RPGRIP1: variants seen among roughly 807,000 people sequenced by gnomAD.
The protein encoded by RPGRIP1 is X-linked retinitis pigmentosa GTPase regulator-interacting protein 1.
In RPGRIP1, 128 loss-of-function variants were observed where a neutral mutation model predicts 157.9. The ratio of observed to expected loss-of-function variants is 0.81; its 90% CI spans 0.70 to 0.94. RPGRIP1 has a LOEUF of 0.94. RPGRIP1 is among the 40% of genes least tolerant of loss of function. RPGRIP1 has a pLI of 0.00. For synonymous variants in RPGRIP1, 554 were observed against 571.6 expected (o/e 0.97, Z 0.44); for missense variants, 1,486 against 1,545.8 (o/e 0.96, Z 0.65).
chr14:21,332,775 GTTA>G (rs1883920506), intron 20 of RPGRIP1, among the ~76,000 whole-genome samples: 1 of 152,112 alleles, frequency 6.6e-6, no homozygotes, highest in South Asian at 2.1e-4. Flanking sequence ...CTAATTGTTA[GTTA>G]TTGTTTTAAT....
chr14:21,326,163 A>G lies in RPGRIP1; in HGVS notation c.2700A>G (p.Glu900=), dbSNP rs781608496. The change falls in exon 17 of 25, where the codon GAA becomes GAG. Residue 900 remains glutamate (E), a synonymous_variant. Transcript: ENST00000400017. The part of the protein sequence containing the change: ...RVPLLPLAKN[E]SIKGDFNLTD... The stretch of plus-strand genomic sequence containing the variant: ...CTTTACTGCCTCTTGCAAAAAATGA[A>G]TCTATCAAAGGTGGGAGTTCGAGGT... 5 of 1,568,774 alleles carry G rather than the reference A, an allele frequency of 3.2e-6. No homozygotes were observed. Among genetic ancestry groups the G allele is most frequent in the Admixed American group, 1.8e-5 (1 of 55,104 alleles).
At chr14:21,308,697 C>T (rs1881417999) in intron 7 of RPGRIP1, among the ~76,000 whole-genome samples, 3 of 152,124 alleles carry the variant, frequency 2.0e-5, no homozygotes, top group South Asian at 2.1e-4. Context: ...AGAAGAAAGA[C>T]GGAAGAAGCT....
intron 22 of RPGRIP1, among the ~76,000 whole-genome samples, chr14:21,343,521 C>T (rs536983254): frequency 2.0e-5 from 3 of 152,134 alleles, no homozygotes; most frequent in Non-Finnish European, 2.9e-5. Context: ...GGTGGAGTCT[C>T]GCTCTGTTGC....
intron 3 of RPGRIP1, among the ~76,000 whole-genome samples, chr14:21,299,110 G>C (rs1880919163): frequency 6.6e-6 from 1 of 151,512 alleles, no homozygotes; most frequent in Non-Finnish European, 1.5e-5. Flanking sequence ...CCGCCTCTCA[G>C]ATTCAAGCGA....
intron 23 of RPGRIP1, among the ~76,000 whole-genome samples, chr14:21,346,521 C>CT (rs1438829176): frequency 6.6e-6 from 1 of 152,054 alleles, no homozygotes; most frequent in Non-Finnish European, 1.5e-5. Flanking sequence ...CACTGCACTC[C>CT]AACCTGGGTG....
chr14:21,283,552 C>T (rs144092787), intron 1 of RPGRIP1, among the ~76,000 whole-genome samples: 31,081 of 152,122 alleles, frequency 0.2, 3,458 homozygotes, highest in Middle Eastern at 0.24. Context: ...CTGCCCGCCT[C>T]GGCCTCCCAA....
At chr14:21,321,230 C>A (rs532534314) in intron 12 of RPGRIP1, 29 bp from the exon 13 acceptor site, 29 of 1,601,186 alleles carry the variant, frequency 1.8e-5, no homozygotes, top group Non-Finnish European at 2.5e-5. Flanking sequence ...TATTTATACT[C>A]CCTTTTACCA....
intron 18 of RPGRIP1, 72 bp from the exon 19 acceptor site, chr14:21,328,352 C>G (rs1432538561): frequency 1.5e-5 from 17 of 1,133,100 alleles, no homozygotes; most frequent in Non-Finnish European, 2.2e-5. Flanking sequence ...CACTAGTTCC[C>G]AAATCCCTTT....
Position 21,327,648 on chromosome 14 carries a change from A to G in RPGRIP1, c.2736A>G (p.Ala912=), listed in dbSNP as rs778760607. ...GTGATTTTAACCTCACTGACCCTGCAGAGAAACCCAACGGATCTATTCAAG... is the reference window on the plus strand; with the variant it reads ...GTGATTTTAACCTCACTGACCCTGCGGAGAAACCCAACGGATCTATTCAAG... ...IKGDFNLTDP[A]EKPNGSIQVQ... Residue 912 remains alanine, a synonymous_variant, in exon 18 of 25, where the codon GCA becomes GCG. Transcript: ENST00000400017. 4 of 1,613,998 alleles carry G rather than the reference A, an allele frequency of 2.5e-6. No individual in the cohort carries two copies. The South Asian group carries it at 4.4e-5, about 18-fold the overall frequency.
chr14:21,315,973 G>GT (rs1329495163), intron 10 of RPGRIP1, among the ~76,000 whole-genome samples: 2 of 86,640 alleles, frequency 2.3e-5, no homozygotes, highest in African/African-American at 4.1e-5. Context: ...TAATTTTTGT[G>GT]GTTTTTTTTT....
rs28937883 is a variant in RPGRIP1 at position 21,325,943 on chromosome 14, G to A, written c.2480G>A (p.Arg827His). Residue 827 changes from arginine (R) to histidine (H), a missense_variant, in exon 17 of 25, where the codon CGC becomes CAC. By Grantham distance (29) the Arg-to-His change is conservative. Coordinates refer to ENST00000400017, the MANE Select transcript of RPGRIP1 (RefSeq NM_020366.4). ...GTQPSPYAVYRFFTFSDHDTA... is the reference protein window; with the variant it reads ...GTQPSPYAVYHFFTFSDHDTA... The stretch of plus-strand genomic sequence containing the variant: ...CAACCCAGTCCATATGCTGTGTACC[G>A]CTTCTTCACCTTTTCTGACCATGAC... 3.4e-5 allele frequency: 55 copies of A among 1,613,774 alleles called. No individual in the cohort carries two copies. Among genetic ancestry groups the A allele is most frequent in the Middle Eastern group, 1.6e-4 (1 of 6,084 alleles).
intron 23 of RPGRIP1, among the ~76,000 whole-genome samples, chr14:21,345,963 G>T (rs1885526611): frequency 6.6e-6 from 1 of 151,972 alleles, no homozygotes; most frequent in African/African-American, 2.4e-5. Flanking sequence ...GGGATGACAG[G>T]TGCACGCCAC....
intron 22 of RPGRIP1, among the ~76,000 whole-genome samples, chr14:21,344,311 G>A (rs115063445): frequency 0.014 from 2,046 of 151,484 alleles, 48 homozygotes; most frequent in African/African-American, 0.048. Context: ...AATTATTTTC[G>A]TGTCCTTCAA....
intron 3 of RPGRIP1, among the ~76,000 whole-genome samples, chr14:21,298,617 C>G (rs1255921002): frequency 3.3e-5 from 5 of 151,474 alleles, no homozygotes; most frequent in Non-Finnish European, 7.4e-5. Flanking sequence ...CTCATTGTAA[C>G]CCCCAGGAGT....
chr14:21,309,333 G>A (rs1331184388), intron 7 of RPGRIP1, among the ~76,000 whole-genome samples: 1 of 151,960 alleles, frequency 6.6e-6, no homozygotes, highest in Non-Finnish European at 1.5e-5. Flanking sequence ...ACAACATGGC[G>A]AAACCCCATC....
Position 21,287,946 on chromosome 14 carries a change from TG to T in RPGRIP1, c.-28del. 6.7e-7 allele frequency: 1 copy of T among 1,499,294 alleles called. No homozygotes were observed. The highest frequency in any genetic ancestry group is 9.3e-7 in the Non-Finnish European group (1 of 1,078,700). 92.9% of individuals were successfully genotyped at this position (1,499,294 alleles called of 1,614,324 possible). A position where few individuals can be genotyped will look rare whatever the true frequency, so the allele number is the denominator to read the frequency against. ...ACTTTTCCTTTATTTCAGTGTCCTC[TG>T]GGATCTCTTACAGCTTGGGAACAGA... On this transcript the variant is annotated 5_prime_UTR_variant, in exon 2 of 25. Transcript: ENST00000400017.
In RPGRIP1 at chr14:21,287,604, G is replaced by A. The variant is rs534446901; in HGVS notation, c.-38-335G>A. Among the ~76,000 whole-genome samples, 144 of 152,212 alleles carry A rather than the reference G, an allele frequency of 9.5e-4. 2 individuals carry two copies. In the Middle Eastern group the frequency reaches 0.014, roughly 14 times the overall value. On this transcript the variant is annotated intron_variant, in intron 1 of 24. Transcript: ENST00000400017. ...ACTGATTCCTGGGGAGTCAGTCCCT[G>A]TAAATTGAGTGGAGAGAGGGATAGA...
rs763920021 is a variant in RPGRIP1 at position 21,301,056 on chromosome 14, C to G, written c.309C>G (p.Arg103=). The change falls in exon 4 of 25, where the codon CGC becomes CGG. Residue 103 remains arginine, a synonymous_variant. Coordinates refer to ENST00000400017, the MANE Select transcript of RPGRIP1 (RefSeq NM_020366.4). ...CGCCGCTCTCGGAGACCGCAAGGCGCGGGCAGAAGGCGGGATGGCGGCAGC... is the reference window on the plus strand; with the variant it reads ...CGCCGCTCTCGGAGACCGCAAGGCGGGGGCAGAAGGCGGGATGGCGGCAGC... ...EAAPLSETAR[R]GQKAGWRQRL... The G allele has an allele frequency of 1.4e-5, 22 of 1,612,692 alleles. No individual in the cohort carries two copies. Among genetic ancestry groups the G allele is most frequent in the Non-Finnish European group, 1.9e-5 (22 of 1,179,462 alleles).
intron 8 of RPGRIP1, chr14:21,311,014 A>T: frequency 2.1e-6 from 1 of 477,818 alleles, no homozygotes; most frequent in East Asian, 5.9e-5. Flanking sequence ...CTGCATGTGA[A>T]GCTAGGTGAA....
Sources: allele counts gnomAD v4.1 joint callset (sites outside exome capture counted in the v4.1 genomes callset), GRCh38; gene constraint gnomAD v4.1.1; transcripts MANE v1.5; gene names NCBI Gene and HGNC (gene_info 2026-07-23, HGNC 2026-07-21).